GPR155: variants seen among roughly 807,000 people sequenced by gnomAD.
GPR155 encodes lysosomal cholesterol signaling protein.
GPR155 carries 65 observed loss-of-function variants against 93.1 expected under a neutral mutation model. That is an observed-to-expected ratio of 0.70 (90% CI 0.57 to 0.86). The LOEUF (loss-of-function observed/expected upper bound fraction) is 0.86, where lower values mean the gene tolerates loss of function less well. Among genes scored for constraint, GPR155 ranks in the 40% least tolerant of loss-of-function variants. GPR155 has a pLI of 0.00. For missense variants in GPR155, 838 were observed against 1,034.8 expected (o/e 0.81, Z 2.61); for synonymous variants, 319 against 360.1 (o/e 0.89, Z 1.29).
intron 1 of GPR155, among the ~76,000 whole-genome samples, chr2:174,486,228 C>T (rs1185640041): frequency 6.6e-6 from 1 of 152,142 alleles, no homozygotes; most frequent in Non-Finnish European, 1.5e-5. Context: ...GGGTAGGGAG[C>T]GCTGAGCACT....
At chr2:174,448,601 A>G (rs1047973415) in intron 11 of GPR155, among the ~76,000 whole-genome samples, 1 of 138,228 alleles carries the variant, frequency 7.2e-6, no homozygotes, top group African/African-American at 2.7e-5. Flanking sequence ...GCAGTGGCGC[A>G]ATCTCGGCTC....
intron 11 of GPR155, among the ~76,000 whole-genome samples, chr2:174,446,996 T>C (rs1687151773): frequency 6.6e-6 from 1 of 152,172 alleles, no homozygotes; most frequent in South Asian, 2.1e-4. Flanking sequence ...CAATGTTTTA[T>C]ATATATAATT....
intron 7 of GPR155, among the ~76,000 whole-genome samples, chr2:174,465,353 A>G (rs941040535): frequency 6.6e-6 from 1 of 152,238 alleles, no homozygotes; most frequent in African/African-American, 2.4e-5. Flanking sequence ...AGTTTTACAA[A>G]TGAGGAAACT....
intron 11 of GPR155, among the ~76,000 whole-genome samples, chr2:174,450,776 C>G (rs1385735600): frequency 6.6e-6 from 1 of 152,050 alleles, no homozygotes; most frequent in East Asian, 1.9e-4. Flanking sequence ...TGCCCTCAAG[C>G]TAAAAGAAAA....
chr2:174,478,310 T>C (rs1308248820), intron 2 of GPR155, among the ~76,000 whole-genome samples: 1 of 152,164 alleles, frequency 6.6e-6, no homozygotes, highest in African/African-American at 2.4e-5. Context: ...GGCCTTGAAC[T>C]CCTAGGCTCA....
At chr2:174,445,364 G>C (rs1233905091) in intron 12 of GPR155, 188 bp from the exon 13 acceptor site, 1 of 530,020 alleles carries the variant, frequency 1.9e-6, no homozygotes, top group Admixed American at 3.4e-5. Flanking sequence ...CCTGACAGAT[G>C]TCATTCAAAC....
chr2:174,441,820 G>A (rs1434492504), intron 14 of GPR155, among the ~76,000 whole-genome samples: 1 of 151,968 alleles, frequency 6.6e-6, no homozygotes, highest in East Asian at 1.9e-4. Context: ...TTGGCTCACT[G>A]CAACCTCTGC....
chr2:174,445,369 T>C, intron 12 of GPR155, 193 bp from the exon 13 acceptor site: 1 of 525,824 alleles, frequency 1.9e-6, no homozygotes. Flanking sequence ...CAGATGTCAT[T>C]CAAACAGTTA....
intron 7 of GPR155, 74 bp downstream of exon 7, chr2:174,465,711 C>G (rs1284956843): frequency 1.3e-6 from 1 of 750,322 alleles, no homozygotes; most frequent in Non-Finnish European, 2.3e-6. Context: ...AAATAGATCA[C>G]TAGAAGCTCA....
chr2:174,478,019 T>G (rs1214573564), intron 2 of GPR155, among the ~76,000 whole-genome samples: 1 of 152,188 alleles, frequency 6.6e-6, no homozygotes, highest in Non-Finnish European at 1.5e-5. Context: ...TAGACCATAA[T>G]TATGATTAGT....
chr2:174,462,609 G>A (rs1476978774), intron 7 of GPR155, among the ~76,000 whole-genome samples: 1 of 152,142 alleles, frequency 6.6e-6, no homozygotes, highest in Non-Finnish European at 1.5e-5. Flanking sequence ...ATGCCCAGCT[G>A]AAAAACATTT....
intron 15 of GPR155, among the ~76,000 whole-genome samples, chr2:174,438,622 T>A (rs1233714651): frequency 6.6e-6 from 1 of 152,094 alleles, no homozygotes; most frequent in East Asian, 1.9e-4. Flanking sequence ...ATTCTTGTGC[T>A]GCAGCCTCCT....
chr2:174,469,129 A>G, intron 4 of GPR155, 62 bp from the exon 5 acceptor site: 2 of 1,420,128 alleles, frequency 1.4e-6, no homozygotes, highest in East Asian at 2.3e-5. Context: ...TTAAACTTTA[A>G]ATAACCACGG....
chr2:174,474,866 T>C (rs535745650), intron 2 of GPR155, among the ~76,000 whole-genome samples: 1 of 152,298 alleles, frequency 6.6e-6, no homozygotes, highest in African/African-American at 2.4e-5. Context: ...TAGCACATTT[T>C]TGACAATGGG....
intron 10 of GPR155, among the ~76,000 whole-genome samples, chr2:174,456,639 A>G (rs1216807612): frequency 6.6e-6 from 1 of 152,306 alleles, no homozygotes; most frequent in East Asian, 1.9e-4. Context: ...CTTGATGTAT[A>G]CTCAAGGAGA....
chr2:174,468,891 T>C (rs759813145), intron 5 of GPR155, 21 bp downstream of exon 5: 2 of 1,597,564 alleles, frequency 1.3e-6, no homozygotes, highest in Non-Finnish European at 1.7e-6. Context: ...TTCCATTCAT[T>C]TTGGGATGCA....
chr2:174,466,513 C>T, intron 6 of GPR155, 31 bp downstream of exon 6: 1 of 1,149,976 alleles, frequency 8.7e-7, no homozygotes, highest in South Asian at 1.3e-5. Flanking sequence ...ATTAGAAAAA[C>T]ATAGTTCTAA....
intron 2 of GPR155, among the ~76,000 whole-genome samples, chr2:174,476,982 T>C (rs567307785): frequency 1.4e-4 from 22 of 152,330 alleles, no homozygotes; most frequent in African/African-American, 5.1e-4. Flanking sequence ...ATCATTTTAA[T>C]AGCCCTCAGT....
chr2:174,475,877 CA>C (rs1688155649), intron 2 of GPR155, among the ~76,000 whole-genome samples: 1 of 152,154 alleles, frequency 6.6e-6, no homozygotes, highest in Non-Finnish European at 1.5e-5. Flanking sequence ...CCAGCCACAA[CA>C]ATAAGATGCA....
Sources: allele counts gnomAD v4.1 joint callset (sites outside exome capture counted in the v4.1 genomes callset), GRCh38; gene constraint gnomAD v4.1.1; transcripts MANE v1.5; gene names NCBI Gene and HGNC (gene_info 2026-07-23, HGNC 2026-07-21).